NPLOC4: variants seen among roughly 807,000 people sequenced by gnomAD.
NPLOC4 encodes the protein NPL4 homolog, ubiquitin recognition factor.
Under a neutral mutation model 80.6 loss-of-function variants are expected in NPLOC4, and 18 were observed. The observed-to-expected ratio is 0.22, with a 90% CI of 0.15 to 0.33. The LOEUF (loss-of-function observed/expected upper bound fraction) is 0.33, where lower values mean the gene tolerates loss of function less well. Ranked by LOEUF, NPLOC4 falls within the 10% of genes least tolerant of loss-of-function variation. The pLI is 1.00. For missense variants in NPLOC4, 540 were observed against 786.1 expected, an observed-to-expected ratio of 0.69 and a Z score of 3.74; for synonymous variants, 313 against 301.5, an observed-to-expected ratio of 1.04 and a Z score of -0.39.
chr17:81,599,121 T>A (rs2034998216), intron 9 of NPLOC4, among the ~76,000 whole-genome samples: 1 of 152,144 alleles, frequency 6.6e-6, no homozygotes, highest in Non-Finnish European at 1.5e-5. Flanking sequence ...AAACATCGTC[T>A]CTATTAAAAA....
intron 3 of NPLOC4, among the ~76,000 whole-genome samples, chr17:81,617,784 G>A (rs368996464): frequency 1.1e-4 from 17 of 150,866 alleles, no homozygotes; most frequent in Admixed American, 4.7e-4. Context: ...TCAGCCTGCC[G>A]AGTGCCTGCG....
chr17:81,600,556 T>C (rs545363907), intron 8 of NPLOC4, 129 bp from the exon 9 acceptor site: 5 of 676,282 alleles, frequency 7.4e-6, no homozygotes, highest in Middle Eastern at 2.6e-4. Context: ...AGGAGAACTA[T>C]AGCCACAGAT....
intron 11 of NPLOC4, among the ~76,000 whole-genome samples, chr17:81,594,205 G>A (rs1164960036): frequency 6.9e-6 from 1 of 144,890 alleles, no homozygotes; most frequent in Non-Finnish European, 1.5e-5. Context: ...AACCCGGGAG[G>A]TGGAGCTTGC....
chr17:81,634,444 T>TG (rs1001985187), intron 1 of NPLOC4, among the ~76,000 whole-genome samples: 3 of 118,098 alleles, frequency 2.5e-5, no homozygotes, highest in African/African-American at 3.6e-5. Flanking sequence ...TATACACTAG[T>TG]GGGAAAAAAA....
chr17:81,581,624 G>C (rs953558222), intron 12 of NPLOC4, among the ~76,000 whole-genome samples: 1 of 152,114 alleles, frequency 6.6e-6, no homozygotes, highest in East Asian at 1.9e-4. Flanking sequence ...CCCCCACAAC[G>C]ATTACAGAAA....
rs940784111 is a variant in NPLOC4, at chr17:81,580,823, G to A, written c.1281+8121C>T. 6.6e-6 allele frequency among the ~76,000 whole-genome samples: 1 copy of A among 152,160 alleles called. No individual in the cohort carries two copies. The highest frequency in any genetic ancestry group is 2.4e-5 in the African/African-American group (1 of 41,446). On this transcript the variant is annotated intron_variant, in intron 12 of 16. Coordinates refer to ENST00000331134, the MANE Select transcript of NPLOC4 (RefSeq NM_017921.4). The surrounding 1 kb of genome is among the most constrained non-coding windows in gnomAD (Gnocchi z 4.4). ...AGAGAATGGATGCCGTGAGAGCATC[G>A]CACAGTGAATCAGGTCAGTGCTACC... is the stretch of plus-strand genomic sequence containing the variant.
chr17:81,605,931 C>G (rs951165733), intron 7 of NPLOC4, among the ~76,000 whole-genome samples: 2 of 151,646 alleles, frequency 1.3e-5, no homozygotes, highest in African/African-American at 4.8e-5. Context: ...AGTGATTCTC[C>G]TGCCTCAGCC....
At chr17:81,613,679 C>A (rs1052153177) in intron 3 of NPLOC4, among the ~76,000 whole-genome samples, 185 bp from the exon 4 acceptor site, 3 of 152,160 alleles carry the variant, frequency 2.0e-5, no homozygotes, top group African/African-American at 7.2e-5. Context: ...ATTATAAAGA[C>A]CAGTATGCAG....
chr17:81,595,951 AGTT>A (rs10599354), intron 11 of NPLOC4, among the ~76,000 whole-genome samples, 162 bp downstream of exon 11: 105,254 of 151,416 alleles, frequency 0.7, 37,522 homozygotes, highest in Non-Finnish European at 0.77. Flanking sequence ...TATGCTGTTA[AGTT>A]GTTCAGAATT....
Position 81,585,661 on chromosome 17 carries a change from T to G in NPLOC4, c.1281+3283A>C, listed in dbSNP as rs117408790. On this transcript the variant is annotated intron_variant, in intron 12 of 16. Transcript: ENST00000331134. ...GGGAGACAGAGGAAGACTCCATTTC[T>G]GGGGGGGGGGGGAAAGAAAGAAATC... Among the ~76,000 whole-genome samples, 596 of 105,566 alleles carry G rather than the reference T, an allele frequency of 5.6e-3. 6 individuals are homozygous for G. Among genetic ancestry groups the G allele is most frequent in the Middle Eastern group, 0.015 (3 of 194 alleles). The allele number at this position is 105,566 out of a possible 152,430, so 69.3% of individuals were successfully genotyped here.
At chr17:81,617,804 G>A (rs542983807) in intron 3 of NPLOC4, among the ~76,000 whole-genome samples, 2,002 of 152,226 alleles carry the variant, frequency 0.013, 58 homozygotes, top group African/African-American at 0.045. Flanking sequence ...GATTGCAGGC[G>A]CGCGCCGCCA....
intron 12 of NPLOC4, among the ~76,000 whole-genome samples, chr17:81,583,905 C>T (rs1201554035): frequency 6.6e-6 from 1 of 152,216 alleles, no homozygotes; most frequent in Admixed American, 6.5e-5. Context: ...TGGTATTATA[C>T]TCTAGGTATA....
chr17:81,579,341 G>T (rs1184768676), intron 12 of NPLOC4, among the ~76,000 whole-genome samples: 1 of 152,196 alleles, frequency 6.6e-6, no homozygotes, highest in Non-Finnish European at 1.5e-5. Context: ...TCGTGCCATT[G>T]CACATCACCC....
At chr17:81,617,798 G>A (rs971840778) in intron 3 of NPLOC4, among the ~76,000 whole-genome samples, 7 of 152,242 alleles carry the variant, frequency 4.6e-5, no homozygotes, top group Non-Finnish European at 7.4e-5. Context: ...GCCTGCGATT[G>A]CAGGCGCGCG....
In NPLOC4 at chr17:81,618,390, C is replaced by A. The variant is rs12450110; in HGVS notation, c.209+3776G>T. On this transcript the variant is annotated intron_variant, in intron 3 of 16. Coordinates refer to ENST00000331134, the MANE Select transcript of NPLOC4 (RefSeq NM_017921.4). ...GAGGAGCGTCTCTGCCTGGCCGCCC[C>A]GTCTGAGAAGTGAGGAGCCCCTCCG... 2.6e-5 allele frequency among the ~76,000 whole-genome samples: 4 copies of A among 151,116 alleles called. No homozygotes were observed. The South Asian group carries it at 6.3e-4, about 24-fold the overall frequency.
intron 16 of NPLOC4, chr17:81,562,789 A>T (rs1056396404): frequency 1.3e-5 from 2 of 151,272 alleles, no homozygotes; most frequent in African/African-American, 4.9e-5. Context: ...AAATTTAAAA[A>T]ATCAGCCAGG....
In NPLOC4 at chr17:81,574,808, G is replaced by A. The variant is rs184729596; in HGVS notation, c.1282-2720C>T. The stretch of plus-strand genomic sequence containing the variant: ...GTGGGCAGACGGCTTGAGGTCGGGA[G>A]TTTGAGACCAGACTGGACAACGTGG... On this transcript the variant is annotated intron_variant, in intron 12 of 16. Coordinates refer to ENST00000331134, the MANE Select transcript of NPLOC4 (RefSeq NM_017921.4). Among the ~76,000 whole-genome samples, 21 of 152,262 alleles carry A rather than the reference G, an allele frequency of 1.4e-4. 1 individual carries two copies. The highest frequency in any genetic ancestry group is 4.3e-4 in the African/African-American group (18 of 41,546).
chr17:81,631,436 ATTTTTTTTTTTTT>A (rs70938164), intron 1 of NPLOC4, among the ~76,000 whole-genome samples: 94 of 117,048 alleles, frequency 8.0e-4, no homozygotes, highest in African/African-American at 2.5e-3. Flanking sequence ...ATATATATAT[ATTTTTTTTTTTTT>A]TTTTTTTTTT....
At chr17:81,571,181 G>A (rs936527385) in intron 13 of NPLOC4, among the ~76,000 whole-genome samples, 3 of 152,182 alleles carry the variant, frequency 2.0e-5, no homozygotes, top group African/African-American at 7.2e-5. Flanking sequence ...CGAATGCAAT[G>A]ATATTTTACT....
Sources: gnomAD v4.1 joint callset for allele counts (sites outside exome capture counted in the v4.1 genomes callset) on GRCh38, gnomAD v4.1.1 for gene constraint, Gnocchi (gnomAD v3.1) non-coding constraint, MANE v1.5 for transcripts, NCBI Gene and HGNC (gene_info 2026-07-23, HGNC 2026-07-21) for gene names.